Variants in VDAC1 observed in about 807,000 individuals in gnomAD.
VDAC1 encodes the protein voltage dependent anion channel 1.
In VDAC1, 10 loss-of-function variants were observed where a neutral mutation model predicts 34.7. The observed-to-expected ratio is 0.29, with a 90% CI of 0.18 to 0.49. VDAC1 has a LOEUF of 0.49. VDAC1 is among the 20% of genes least tolerant of loss of function. The pLI is 0.99. For synonymous variants in VDAC1, 130 were observed against 136.0 expected (o/e 0.96, Z 0.30); for missense variants, 230 against 347.9 (o/e 0.66, Z 2.69).
the VDAC1 span, among the ~76,000 whole-genome samples, chr5:134,070,077 C>A: frequency 6.6e-6 from 1 of 152,094 alleles, no homozygotes; most frequent in Non-Finnish European, 1.5e-5. Context: ...AAAAAAACAG[C>A]CATACAAATG....
At chr5:134,111,924 G>C in the VDAC1 span, among the ~76,000 whole-genome samples, 1 of 152,182 alleles carries the variant, frequency 6.6e-6, no homozygotes, top group Non-Finnish European at 1.5e-5. Flanking sequence ...GTCAAATGGG[G>C]ATACGAGTCC....
At chr5:134,094,203 C>T in the VDAC1 span, among the ~76,000 whole-genome samples, 1 of 152,258 alleles carries the variant, frequency 6.6e-6, no homozygotes, top group African/African-American at 2.4e-5. Context: ...TTGGATCCTT[C>T]CTGCAGGTGC....
chr5:134,051,606 G>C, the VDAC1 span, among the ~76,000 whole-genome samples: 1 of 150,028 alleles, frequency 6.7e-6, no homozygotes, highest in Non-Finnish European at 1.5e-5. Context: ...ATTAAATGAT[G>C]TTAATCATCA....
the VDAC1 span, among the ~76,000 whole-genome samples, chr5:134,089,303 G>A: frequency 1.1e-4 from 16 of 152,236 alleles, no homozygotes; most frequent in South Asian, 2.1e-4. Flanking sequence ...TGCCAGCTCC[G>A]AAACCAGCTG....
the VDAC1 span, among the ~76,000 whole-genome samples, chr5:134,054,753 G>A: frequency 1.4e-3 from 214 of 152,218 alleles, 2 homozygotes; most frequent in African/African-American, 4.4e-3. Flanking sequence ...GAGCCACCTC[G>A]CCCAACTGGA....
intron 1 of VDAC1, among the ~76,000 whole-genome samples, chr5:133,996,474 C>G: frequency 6.6e-6 from 1 of 152,218 alleles, no homozygotes; most frequent in East Asian, 1.9e-4. Context: ...ATAATACTTA[C>G]GTAACCTCTG....
chr5:133,989,660 CT>C (rs58777659), intron 5 of VDAC1, among the ~76,000 whole-genome samples: 44,850 of 145,110 alleles, frequency 0.31, 6,783 homozygotes, highest in East Asian at 0.47. Flanking sequence ...GCATCCGACT[CT>C]TTTTTTTTTT....
upstream of VDAC1, among the ~76,000 whole-genome samples, chr5:134,006,599 C>G (rs959420668): frequency 2.0e-5 from 3 of 151,828 alleles, no homozygotes; most frequent in African/African-American, 4.8e-5. Context: ...AAAAACTAGA[C>G]GGGCGTGGTG....
chr5:134,104,200 A>G, the VDAC1 span, among the ~76,000 whole-genome samples: 3 of 152,198 alleles, frequency 2.0e-5, no homozygotes, highest in African/African-American at 7.2e-5. Flanking sequence ...TGAATCAGGG[A>G]TGAGCAGAGA....
At chr5:134,071,875 C>T in the VDAC1 span, among the ~76,000 whole-genome samples, 3 of 152,098 alleles carry the variant, frequency 2.0e-5, no homozygotes, top group Non-Finnish European at 4.4e-5. The surrounding 1 kb of genome is among the most constrained non-coding windows in gnomAD (Gnocchi z 4.1). Flanking sequence ...ACCCCTCCTG[C>T]TTGGGAAGGG....
At chr5:134,074,123 T>C in the VDAC1 span, among the ~76,000 whole-genome samples, 1 of 151,868 alleles carries the variant, frequency 6.6e-6, no homozygotes, top group South Asian at 2.1e-4. Context: ...CCAGCCTGGC[T>C]AACATGGTGA....
the VDAC1 span, among the ~76,000 whole-genome samples, chr5:134,099,388 G>T: frequency 6.6e-6 from 1 of 152,264 alleles, no homozygotes; most frequent in East Asian, 1.9e-4. Flanking sequence ...GCTAGAGGAG[G>T]CTGGAGCCCA....
At chr5:134,113,934 C>T in the VDAC1 span, among the ~76,000 whole-genome samples, 1 of 152,160 alleles carries the variant, frequency 6.6e-6, no homozygotes, top group African/African-American at 2.4e-5. Context: ...TCCGAGTCTC[C>T]GGGCTGCAGG....
chr5:133,991,003 T>C lies in VDAC1; in HGVS notation c.269A>G (p.Gln90Arg). 1 of 1,614,140 alleles carries C rather than the reference T, an allele frequency of 6.2e-7. No individual in the cohort carries two copies. The highest frequency in any genetic ancestry group is 1.1e-5 in the South Asian group (1 of 91,074). ...ACATCTTTTCACAGCAGCCATTACC[T>C]GATCTTCCACAGTAATCTCGGTGCC... The part of the protein sequence containing the change: ...TLGTEITVED[Q>R]LARGLKLTFD... The change falls in exon 4 of 9, where the codon CAG (glutamine) becomes CGG (arginine). Residue 90 changes from glutamine to arginine, a missense_variant and splice_region_variant. Physicochemically the swap from Gln to Arg is conservative, Grantham distance 43. Coordinates refer to ENST00000265333, the MANE Select transcript of VDAC1 (RefSeq NM_003374.3).
the VDAC1 span, among the ~76,000 whole-genome samples, chr5:134,020,763 G>A: frequency 4.6e-5 from 7 of 151,866 alleles, no homozygotes; most frequent in Admixed American, 6.6e-5. Context: ...TGCAAGCTCC[G>A]CCTCCCGGGT....
At chr5:134,078,324 G>A in the VDAC1 span, among the ~76,000 whole-genome samples, 4 of 152,160 alleles carry the variant, frequency 2.6e-5, no homozygotes, top group Non-Finnish European at 5.9e-5. Flanking sequence ...GGCAGGACAG[G>A]GGGGAGGCGA....
the VDAC1 span, among the ~76,000 whole-genome samples, chr5:134,015,505 C>T: frequency 6.6e-6 from 1 of 152,140 alleles, no homozygotes; most frequent in Non-Finnish European, 1.5e-5. Flanking sequence ...ATTTATAAGC[C>T]ACCCAGTCTA....
At chr5:134,077,276 C>CAA in the VDAC1 span, among the ~76,000 whole-genome samples, 3,936 of 100,668 alleles carry the variant, frequency 0.039, 219 homozygotes, top group African/African-American at 0.11. Flanking sequence ...GACTCCATCT[C>CAA]AAAAAAAAAA....
chr5:134,019,822 G>C, the VDAC1 span, among the ~76,000 whole-genome samples: 3 of 152,268 alleles, frequency 2.0e-5, no homozygotes, highest in African/African-American at 7.2e-5. Flanking sequence ...AGACCACACT[G>C]CCTATGTGCT....
Sources: allele counts gnomAD v4.1 joint callset (sites outside exome capture counted in the v4.1 genomes callset), GRCh38; gene constraint gnomAD v4.1.1; non-coding constraint Gnocchi (gnomAD v3.1); transcripts MANE v1.5; gene names NCBI Gene and HGNC (gene_info 2026-07-23, HGNC 2026-07-21).